CIITA: variants seen among roughly 807,000 people sequenced by gnomAD.
CIITA encodes class II major histocompatibility complex transactivator, also known as MHC class II transactivator.
CIITA carries 72 observed loss-of-function variants against 115.1 expected under a neutral mutation model. That is an observed-to-expected ratio of 0.63 (90% CI 0.52 to 0.76). CIITA has a LOEUF of 0.76. Among genes scored for constraint, CIITA ranks in the 30% least tolerant of loss-of-function variants. The pLI, the probability that CIITA is intolerant of heterozygous loss-of-function variation, is 0.00. For synonymous variants in CIITA, 763 were observed against 635.6 expected (o/e 1.20, Z -3.02); for missense variants, 1,617 against 1,463.8 (o/e 1.10, Z -1.71).
upstream of CIITA, among the ~76,000 whole-genome samples, chr16:10,874,985 T>C (rs1041421468): frequency 5.9e-5 from 9 of 152,136 alleles, no homozygotes; most frequent in Non-Finnish European, 1.2e-4. Context: ...TTTCTTTTTT[T>C]TGAGACTGAG....
chr16:10,929,425 G>T lies in CIITA; in HGVS notation c.*5570G>T. 1.7e-5 allele frequency: 17 copies of T among 985,870 alleles called. No individual in the cohort carries two copies. The highest frequency in any genetic ancestry group is 2.0e-5 in the Non-Finnish European group (17 of 829,960). 61.1% of individuals were successfully genotyped at this position (985,870 alleles called of 1,614,324 possible). A position where few individuals can be genotyped will look rare whatever the true frequency, so the allele number is the denominator to read the frequency against. On this transcript the variant is annotated 3_prime_UTR_variant, in exon 20 of 20. Transcript: ENST00000324288. This position sits in a 1 kb window ranked among gnomAD's most constrained non-coding sequence, Gnocchi z 4.3. Reference sequence around the variant, plus strand: ...ACACTGCAGGCAGATGAGGTCTTGGGATGCCTCTTGCGTTCCCCCTTCTGT... The same window carrying T: ...ACACTGCAGGCAGATGAGGTCTTGGTATGCCTCTTGCGTTCCCCCTTCTGT...
At chr16:10,871,016 C>T (rs2035446349) in intron 1 of CIITA, among the ~76,000 whole-genome samples, 2 of 152,346 alleles carry the variant, frequency 1.3e-5, no homozygotes, top group East Asian at 1.9e-4. Flanking sequence ...ATCAATGTGG[C>T]CCCTGCCCTC....
upstream of CIITA, among the ~76,000 whole-genome samples, chr16:10,873,480 G>A (rs964834050): frequency 1.1e-4 from 16 of 152,200 alleles, no homozygotes; most frequent in African/African-American, 2.7e-4. Context: ...CTGGAAGCGC[G>A]ATGAAGGTGG....
chr16:10,912,561 C>T (rs1476654958), intron 13 of CIITA, among the ~76,000 whole-genome samples: 3 of 152,150 alleles, frequency 2.0e-5, no homozygotes, highest in Non-Finnish European at 4.4e-5. Context: ...AGCTGGTCAC[C>T]CACAAGCTAT....
intron 1 of CIITA, among the ~76,000 whole-genome samples, chr16:10,870,436 T>C (rs924767227): frequency 6.6e-6 from 1 of 152,104 alleles, no homozygotes; most frequent in South Asian, 2.1e-4. Flanking sequence ...TTCCAGTGAG[T>C]CCCAAGAGTC....
At position 10,907,601 on chromosome 16, in the gene CIITA, G is replaced by T. The variant is rs915701076; in HGVS notation, c.2109G>T (p.Glu703Asp). Residue 703 changes from glutamate to aspartate, a missense_variant, in exon 11 of 20, where the codon GAG becomes GAT. Coordinates refer to ENST00000324288, the MANE Select transcript of CIITA (RefSeq NM_000246.4). This position sits in a 1 kb window ranked among gnomAD's most constrained non-coding sequence, Gnocchi z 5.0. ...TCCAACACCCACCGCGGGCCGCAGA[G>T]TCCGAGCTGGCCTTCCCCAGCTTCC... ...GLVQHPPRAA[E>D]SELAFPSFLL... 15 of 1,614,134 alleles carry T rather than the reference G, an allele frequency of 9.3e-6. No homozygotes were observed. The Admixed American group carries it at 1.7e-4, about 18-fold the overall frequency.
At chr16:10,884,268 A>G (rs2036711134) in intron 1 of CIITA, among the ~76,000 whole-genome samples, 1 of 152,180 alleles carries the variant, frequency 6.6e-6, no homozygotes. Context: ...TGGTTGGTTC[A>G]AACCCAAAGG....
downstream of CIITA, chr16:10,938,983 C>CAA (rs903359274): frequency 3.3e-5 from 5 of 152,208 alleles, no homozygotes; most frequent in Non-Finnish European, 7.3e-5. This position sits in a 1 kb window ranked among gnomAD's most constrained non-coding sequence, Gnocchi z 4.9. Context: ...TACACTGCTT[C>CAA]AAAGTCAAAT....
chr16:10,942,262 C>G lies in CIITA; in HGVS notation n.1388C>G, dbSNP rs1000438505. The G allele has an allele frequency of 1.2e-5, 4 of 343,042 alleles. No individual in the cohort carries two copies. 21.2% of individuals were successfully genotyped at this position (343,042 alleles called of 1,614,324 possible). A position where few individuals can be genotyped will look rare whatever the true frequency, so the allele number is the denominator to read the frequency against. ...CGAGGCGGGCCCCCCTGAAGTGGCC[C>G]GCGGCTGCCCGGCTCCCTCGTGGCG... On this transcript the variant is annotated non_coding_transcript_exon_variant, in exon 2 of 2. Coordinates refer to the CIITA transcript ENST00000573379. The surrounding 1 kb of genome is among the most constrained non-coding windows in gnomAD (Gnocchi z 5.0).
At chr16:10,908,290 G>A in intron 11 of CIITA, 141 bp downstream of exon 11, 1 of 1,031,804 alleles carries the variant, frequency 9.7e-7, no homozygotes, top group Admixed American at 2.0e-5. Context: ...CCATTTTTAA[G>A]ATGAGGATGT....
At chr16:10,902,306 C>T (rs991044300) in intron 7 of CIITA, 122 bp downstream of exon 7, 14 of 1,381,408 alleles carry the variant, frequency 1.0e-5, no homozygotes, top group South Asian at 1.2e-5. Flanking sequence ...ATCAGTGTCA[C>T]TCACCTCTGC....
In CIITA at chr16:10,929,242, T is replaced by C; in HGVS notation, c.*5387T>C. 2.0e-6 allele frequency: 2 copies of C among 985,910 alleles called. No individual in the cohort carries two copies. Among genetic ancestry groups the C allele is most frequent in the Non-Finnish European group, 2.4e-6 (2 of 829,962 alleles). 61.1% of individuals were successfully genotyped at this position (985,910 alleles called of 1,614,324 possible). A position where few individuals can be genotyped will look rare whatever the true frequency, so the allele number is the denominator to read the frequency against. The stretch of plus-strand genomic sequence containing the variant: ...ATCAAACGGAGCTGGGAGTCGCTTT[T>C]GCGTGTGTCCGCAGTTTGAAGTGTC... On this transcript the variant is annotated 3_prime_UTR_variant, in exon 20 of 20. Coordinates refer to ENST00000324288, the MANE Select transcript of CIITA (RefSeq NM_000246.4). The surrounding 1 kb of genome is among the most constrained non-coding windows in gnomAD (Gnocchi z 4.3).
intron 12 of CIITA, among the ~76,000 whole-genome samples, chr16:10,909,572 G>A (rs191550095): frequency 6.6e-6 from 1 of 152,316 alleles, no homozygotes; most frequent in Non-Finnish European, 1.5e-5. Flanking sequence ...AGGTCCAGAA[G>A]GCAGACAAAA....
intron 1 of CIITA, among the ~76,000 whole-genome samples, chr16:10,881,291 G>A (rs2143643801): frequency 6.6e-6 from 1 of 150,434 alleles, no homozygotes; most frequent in East Asian, 1.9e-4. Flanking sequence ...GAGCAAGACT[G>A]TCTCAGGAAA....
chr16:10,910,309 C>A, intron 13 of CIITA, 50 bp downstream of exon 13: 3 of 1,489,584 alleles, frequency 2.0e-6, no homozygotes, highest in South Asian at 2.3e-5. Flanking sequence ...GTTTCCCCTG[C>A]AGCATTAGCT....
chr16:10,912,503 G>A (rs1332819188), intron 13 of CIITA, among the ~76,000 whole-genome samples: 1 of 152,202 alleles, frequency 6.6e-6, no homozygotes, highest in African/African-American at 2.4e-5. Flanking sequence ...TTTTACAGAT[G>A]AGGAGACGGA....
chr16:10,911,364 CTG>C (rs1171674451), intron 13 of CIITA, among the ~76,000 whole-genome samples: 6 of 59,380 alleles, frequency 1.0e-4, no homozygotes, highest in Non-Finnish European at 1.5e-4. Flanking sequence ...TTCTTTCTCT[CTG>C]TTTCTTTCTT....
chr16:10,900,731 C>G (rs895775386), intron 5 of CIITA, among the ~76,000 whole-genome samples: 7 of 149,438 alleles, frequency 4.7e-5, no homozygotes, highest in African/African-American at 1.7e-4. Flanking sequence ...CAGAGCTAGA[C>G]TCTGTTTCAA....
At position 10,890,516 on chromosome 16, in the gene CIITA, G is replaced by C. The variant is rs72770025; in HGVS notation, c.53-4766G>C. On this transcript the variant is annotated intron_variant, in intron 1 of 19. Transcript: ENST00000324288. ...TGCCCAGGCTGGTCTCAAACTCCTG[G>C]ACTGAGGTGATACTCCTGCCTTGGA... 3.7e-3 allele frequency among the ~76,000 whole-genome samples: 558 copies of C among 152,252 alleles called. 1 individual carries two copies. The highest frequency in any genetic ancestry group is 6.0e-3 in the Non-Finnish European group (406 of 68,026).
Sources: allele counts gnomAD v4.1 joint callset (sites outside exome capture counted in the v4.1 genomes callset), GRCh38; gene constraint gnomAD v4.1.1; non-coding constraint Gnocchi (gnomAD v3.1); transcripts MANE v1.5; gene names NCBI Gene and HGNC (gene_info 2026-07-23, HGNC 2026-07-21).